USP25: variants seen among roughly 807,000 people sequenced by gnomAD.
USP25 encodes the protein ubiquitin carboxyl-terminal hydrolase 25.
In USP25, 85 loss-of-function variants were observed where a neutral mutation model predicts 158.5. The observed-to-expected ratio is 0.54, with a 90% CI of 0.45 to 0.64. The LOEUF (loss-of-function observed/expected upper bound fraction) is 0.64. USP25 is among the 30% of genes least tolerant of loss of function. The pLI is 0.00. For missense variants in USP25, 1,242 were observed against 1,327.3 expected (o/e 0.94, Z 1.00); for synonymous variants, 464 against 460.4 (o/e 1.01, Z -0.10).
At position 15,806,944 on chromosome 21, in the gene USP25, GAC is replaced by G. The variant is rs1469224114; in HGVS notation, c.780+1690_780+1691del. Among the ~76,000 whole-genome samples, 13 of 151,404 alleles carry G rather than the reference GAC, an allele frequency of 8.6e-5. No homozygotes were observed. The East Asian group carries it at 2.5e-3, about 29-fold the overall frequency. On this transcript the variant is annotated intron_variant, in intron 7 of 25. Coordinates refer to ENST00000400183, the MANE Select transcript of USP25 (RefSeq NM_001283041.3). ...CTTTTCCGTGTTTGTTTTTTTTTGAGACACAGTTTTGTTTTGTCACCTAGGCT... is the reference window on the plus strand; with the variant it reads ...CTTTTCCGTGTTTGTTTTTTTTTGAGACAGTTTTGTTTTGTCACCTAGGCT...
At chr21:15,814,351 G>A (rs574003059) in intron 9 of USP25, among the ~76,000 whole-genome samples, 2 of 150,426 alleles carry the variant, frequency 1.3e-5, no homozygotes, top group East Asian at 2.0e-4. Context: ...AATTGGGTCC[G>A]GTAGAGTAGG....
intron 21 of USP25, among the ~76,000 whole-genome samples, chr21:15,865,152 A>T (rs1029190179): frequency 1.3e-5 from 2 of 152,176 alleles, no homozygotes; most frequent in African/African-American, 4.8e-5. Context: ...ATAAAGAATT[A>T]TTCAGAAAGT....
intron 9 of USP25, 54 bp downstream of exon 9, chr21:15,811,264 C>A: frequency 1.4e-6 from 2 of 1,461,404 alleles, no homozygotes; most frequent in Non-Finnish European, 1.9e-6. Flanking sequence ...ATTATTCATT[C>A]ATTCGTCTCG....
chr21:15,789,755 T>G (rs1285832523), intron 4 of USP25, among the ~76,000 whole-genome samples: 1 of 152,018 alleles, frequency 6.6e-6, no homozygotes, highest in Non-Finnish European at 1.5e-5. Flanking sequence ...TACAAATAAG[T>G]TTGCTGTATC....
intron 1 of USP25, among the ~76,000 whole-genome samples, chr21:15,751,735 G>A (rs894276880): frequency 1.3e-5 from 2 of 152,126 alleles, no homozygotes; most frequent in African/African-American, 4.8e-5. Flanking sequence ...TTGGGTTTTT[G>A]GAACTGAAAA....
At chr21:15,760,930 A>G (rs970670480) in intron 1 of USP25, among the ~76,000 whole-genome samples, 1 of 152,156 alleles carries the variant, frequency 6.6e-6, no homozygotes, top group Non-Finnish European at 1.5e-5. Flanking sequence ...GCATATTTAT[A>G]TTTCTCCGGT....
intron 23 of USP25, among the ~76,000 whole-genome samples, chr21:15,871,806 A>G (rs999086492): frequency 1.3e-5 from 2 of 152,172 alleles, no homozygotes; most frequent in Middle Eastern, 3.4e-3. Context: ...TAGAAAATCA[A>G]TAATGGTGAC....
intron 18 of USP25, among the ~76,000 whole-genome samples, chr21:15,842,843 A>G (rs1221117692): frequency 6.6e-6 from 1 of 152,238 alleles, no homozygotes. Flanking sequence ...AAAATTTAGC[A>G]GTATTTCTCC....
At chr21:15,741,077 T>G (rs1169844708) in intron 1 of USP25, among the ~76,000 whole-genome samples, 1 of 152,220 alleles carries the variant, frequency 6.6e-6, no homozygotes, top group Non-Finnish European at 1.5e-5. Flanking sequence ...TGATTTTTAT[T>G]ACTGTAGATC....
rs201848250 is a variant in USP25, at chr21:15,864,128, G to C, written c.2548-140G>C. The C allele has an allele frequency of 5.8e-6, 4 of 688,206 alleles. No individual in the cohort carries two copies. In the East Asian group the frequency reaches 1.4e-4, roughly 24 times the overall value. The allele number at this position is 688,206 out of a possible 1,614,324, so 42.6% of individuals were successfully genotyped here. ...GGAACATGGGACTGTGTTCTTAGTT[G>C]TACTGCCTTGTTTGTGATACTTTAA... On this transcript the variant is annotated intron_variant, in intron 20 of 25. Coordinates refer to ENST00000400183, the MANE Select transcript of USP25 (RefSeq NM_001283041.3).
intron 1 of USP25, among the ~76,000 whole-genome samples, chr21:15,760,277 T>A (rs1452922306): frequency 6.6e-6 from 1 of 152,364 alleles, no homozygotes; most frequent in East Asian, 1.9e-4. Flanking sequence ...AGACACCTTT[T>A]GTCCTTTGCC....
intron 1 of USP25, among the ~76,000 whole-genome samples, chr21:15,754,842 C>T (rs78128881): frequency 0.076 from 11,577 of 152,166 alleles, 499 homozygotes; most frequent in East Asian, 0.098. Context: ...ATTTTTTCTT[C>T]TTCTTTGCTT....
At chr21:15,855,604 A>G (rs1327343901) in intron 20 of USP25, among the ~76,000 whole-genome samples, 1 of 152,222 alleles carries the variant, frequency 6.6e-6, no homozygotes, top group Non-Finnish European at 1.5e-5. Context: ...ATGCTTAGCC[A>G]AAGAAGACTC....
chr21:15,775,128 C>T (rs1052231480), intron 3 of USP25, among the ~76,000 whole-genome samples: 3 of 152,120 alleles, frequency 2.0e-5, no homozygotes, highest in Admixed American at 2.0e-4. Flanking sequence ...CTTCATTTCT[C>T]AGAATTTCAG....
chr21:15,798,983 C>T (rs2035997771), intron 5 of USP25, among the ~76,000 whole-genome samples: 1 of 151,166 alleles, frequency 6.6e-6, no homozygotes, highest in Admixed American at 6.6e-5. Context: ...AAGGAATATA[C>T]TGTATATTAT....
rs564995969 is a variant in USP25, at chr21:15,821,381, A to T, written c.1080+2535A>T. 2.0e-5 allele frequency among the ~76,000 whole-genome samples: 3 copies of T among 152,090 alleles called. No homozygotes were observed. The South Asian group carries it at 6.2e-4, about 32-fold the overall frequency. On this transcript the variant is annotated intron_variant, in intron 10 of 25. Transcript: ENST00000400183. ...AACTCGAAAAAGAACTATTCTGAAG[A>T]ATGTCTTTGTATAAATACCCTTGCG...
At chr21:15,737,372 C>T (rs1290417210) in intron 1 of USP25, among the ~76,000 whole-genome samples, 1 of 152,070 alleles carries the variant, frequency 6.6e-6, no homozygotes, top group Non-Finnish European at 1.5e-5. Context: ...ATGATCAGCT[C>T]TTCCTGCAAA....
chr21:15,852,235 T>C (rs1180428637), intron 20 of USP25, among the ~76,000 whole-genome samples: 1 of 152,140 alleles, frequency 6.6e-6, no homozygotes, highest in Admixed American at 6.5e-5. Context: ...TTCTCCTTAC[T>C]ATCATCATAC....
In USP25 at chr21:15,733,623, G is replaced by A. The variant is rs556812557; in HGVS notation, c.45+3185G>A. On this transcript the variant is annotated intron_variant, in intron 1 of 25. Coordinates refer to ENST00000400183, the MANE Select transcript of USP25 (RefSeq NM_001283041.3). ...TGGGAAGGTGAGGCAGGCGGATCACGAGGTCAGGAGTTCGAGACCAGCCTG... is the reference window on the plus strand; with the variant it reads ...TGGGAAGGTGAGGCAGGCGGATCACAAGGTCAGGAGTTCGAGACCAGCCTG... Among the ~76,000 whole-genome samples, 405 of 152,110 alleles carry A rather than the reference G, an allele frequency of 2.7e-3. 2 individuals carry two copies. The highest frequency in any genetic ancestry group is 4.4e-3 in the Admixed American group (67 of 15,284).
Sources: allele counts gnomAD v4.1 joint callset (sites outside exome capture counted in the v4.1 genomes callset), GRCh38; gene constraint gnomAD v4.1.1; transcripts MANE v1.5; gene names NCBI Gene and HGNC (gene_info 2026-07-23, HGNC 2026-07-21).